MYO1D: variants seen among roughly 807,000 people sequenced by gnomAD.
MYO1D encodes the protein myosin ID.
MYO1D carries 83 observed loss-of-function variants against 122.0 expected under a neutral mutation model. The ratio of observed to expected loss-of-function variants is 0.68; its 90% confidence interval spans 0.57 to 0.82. The LOEUF is 0.82. Ranked by LOEUF, MYO1D falls within the 40% of genes least tolerant of loss-of-function variation. MYO1D has a pLI of 0.00. For synonymous variants in MYO1D, 464 were observed against 446.9 expected (o/e 1.04, Z -0.48); for missense variants, 1,157 against 1,269.5 (o/e 0.91, Z 1.35).
At chr17:32,507,244 T>TA (rs57888406) in intron 21 of MYO1D, among the ~76,000 whole-genome samples, 6,882 of 147,106 alleles carry the variant, frequency 0.047, 517 homozygotes, top group African/African-American at 0.16. Flanking sequence ...TTACAAAAAA[T>TA]AAAAAAAAAA....
At chr17:32,763,797 G>A (rs2090027009) in intron 8 of MYO1D, among the ~76,000 whole-genome samples, 1 of 152,174 alleles carries the variant, frequency 6.6e-6, no homozygotes, top group South Asian at 2.1e-4. Context: ...GCACACTCCT[G>A]TAATCCCAGC....
At chr17:32,718,939 C>G (rs184753337) in intron 15 of MYO1D, among the ~76,000 whole-genome samples, 66 of 152,272 alleles carry the variant, frequency 4.3e-4, no homozygotes, top group African/African-American at 1.5e-3. Flanking sequence ...CTTTCCAGAA[C>G]TCCAGGTATG....
chr17:32,723,546 C>T (rs983740380), intron 14 of MYO1D, among the ~76,000 whole-genome samples: 26 of 152,020 alleles, frequency 1.7e-4, no homozygotes, highest in African/African-American at 6.0e-4. Flanking sequence ...CACCACTTCT[C>T]GAATCTGGCT....
At chr17:32,560,556 T>TATAC (rs2087112896) in intron 21 of MYO1D, among the ~76,000 whole-genome samples, 1 of 114,130 alleles carries the variant, frequency 8.8e-6, no homozygotes, top group Non-Finnish European at 1.9e-5. Flanking sequence ...TATATATATA[T>TATAC]ATATATATAT....
At chr17:32,519,901 T>TAA (rs576868258) in intron 21 of MYO1D, among the ~76,000 whole-genome samples, 1 of 132,178 alleles carries the variant, frequency 7.6e-6, no homozygotes, top group East Asian at 2.0e-4. Flanking sequence ...TTTTTTTTTT[T>TAA]AAAAAAAAAA....
At chr17:32,546,660 C>T (rs1003368704) in intron 21 of MYO1D, among the ~76,000 whole-genome samples, 9 of 152,162 alleles carry the variant, frequency 5.9e-5, no homozygotes, top group South Asian at 2.1e-4. Context: ...TACTGTTTCC[C>T]CAAACCCCTG....
intron 1 of MYO1D, among the ~76,000 whole-genome samples, chr17:32,795,972 C>T (rs556670856): frequency 6.6e-6 from 1 of 152,076 alleles, no homozygotes; most frequent in Non-Finnish European, 1.5e-5. Flanking sequence ...TGTCTGTTAG[C>T]GCGCTCTCGG....
At chr17:32,623,354 T>C (rs1247412220) in intron 20 of MYO1D, among the ~76,000 whole-genome samples, 2 of 152,068 alleles carry the variant, frequency 1.3e-5, no homozygotes, top group African/African-American at 2.4e-5. Flanking sequence ...CCTCAGCCAA[T>C]AACAAAGAAA....
intron 16 of MYO1D, among the ~76,000 whole-genome samples, chr17:32,667,550 C>CA (rs1293697681): frequency 1.3e-5 from 2 of 152,074 alleles, no homozygotes; most frequent in African/African-American, 4.8e-5. Context: ...AGTCAATAAA[C>CA]AAATGTAAAA....
chr17:32,501,046 G>A (rs1909301815), intron 21 of MYO1D, among the ~76,000 whole-genome samples: 1 of 151,658 alleles, frequency 6.6e-6, no homozygotes, highest in African/African-American at 2.4e-5. Flanking sequence ...TGAGGTTGGC[G>A]GCTCCTCAGA....
At chr17:32,752,229 A>G (rs2089905866) in intron 11 of MYO1D, among the ~76,000 whole-genome samples, 1 of 152,238 alleles carries the variant, frequency 6.6e-6, no homozygotes, top group African/African-American at 2.4e-5. Flanking sequence ...AGCCATATAC[A>G]GCAGAATGAA....
intron 1 of MYO1D, among the ~76,000 whole-genome samples, chr17:32,835,127 A>C (rs1425001733): frequency 6.6e-6 from 1 of 151,962 alleles, no homozygotes; most frequent in African/African-American, 2.4e-5. Flanking sequence ...GACAAGTACA[A>C]ACACAGCTCT....
At chr17:32,592,144 T>G (rs1235006729) in intron 21 of MYO1D, among the ~76,000 whole-genome samples, 1 of 152,224 alleles carries the variant, frequency 6.6e-6, no homozygotes, top group African/African-American at 2.4e-5. Flanking sequence ...AGAGAGCCAC[T>G]CTGCTATGTA....
In MYO1D at chr17:32,545,162, C is replaced by T. The variant is rs546210393; in HGVS notation, c.2865-50247G>A. Among the ~76,000 whole-genome samples, 19 of 152,292 alleles carry T rather than the reference C, an allele frequency of 1.2e-4. 1 individual carries two copies. The highest frequency in any genetic ancestry group is 3.4e-3 in the Middle Eastern group (1 of 294). ...TCTGCATCTCTCTTTGGGCAGAGTGCGCAAGACACAAACCAAGGAGTCAGA... is the reference window on the plus strand; with the variant it reads ...TCTGCATCTCTCTTTGGGCAGAGTGTGCAAGACACAAACCAAGGAGTCAGA... On this transcript the variant is annotated intron_variant, in intron 21 of 21. Coordinates refer to ENST00000318217, the MANE Select transcript of MYO1D (RefSeq NM_015194.3).
intron 1 of MYO1D, among the ~76,000 whole-genome samples, chr17:32,815,815 T>C (rs752858384): frequency 6.6e-6 from 1 of 152,220 alleles, no homozygotes; most frequent in Non-Finnish European, 1.5e-5. Context: ...CACACCTGTA[T>C]AGACCACAAG....
intron 10 of MYO1D, among the ~76,000 whole-genome samples, chr17:32,758,108 C>T (rs1038252022): frequency 6.6e-6 from 1 of 152,066 alleles, no homozygotes; most frequent in Non-Finnish European, 1.5e-5. Context: ...GACTCTAGAT[C>T]TAACAACCAA....
intron 1 of MYO1D, among the ~76,000 whole-genome samples, chr17:32,863,299 A>G (rs2151088708): frequency 6.6e-6 from 1 of 152,356 alleles, no homozygotes; most frequent in East Asian, 1.9e-4. Context: ...TTGCCTTTCC[A>G]GCCAAACACA....
At chr17:32,805,936 A>G (rs1160914924) in intron 1 of MYO1D, among the ~76,000 whole-genome samples, 1 of 152,132 alleles carries the variant, frequency 6.6e-6, no homozygotes, top group Non-Finnish European at 1.5e-5. Context: ...CTGGGGTTTG[A>G]TGAGAGGTAA....
intron 1 of MYO1D, among the ~76,000 whole-genome samples, chr17:32,847,259 C>T (rs959631392): frequency 1.3e-5 from 2 of 152,182 alleles, no homozygotes; most frequent in African/African-American, 4.8e-5. Flanking sequence ...CAAAAACTAT[C>T]ATGCAATTTT....
Sources: gnomAD v4.1 joint callset for allele counts (sites outside exome capture counted in the v4.1 genomes callset) on GRCh38, gnomAD v4.1.1 for gene constraint, MANE v1.5 for transcripts, NCBI Gene and HGNC (gene_info 2026-07-23, HGNC 2026-07-21) for gene names.